The following CACNA1A variants were observed in gnomAD, a reference collection of about 807,000 sequenced individuals.
The protein encoded by CACNA1A is calcium voltage-gated channel subunit alpha1 A, also known as voltage-dependent P/Q-type calcium channel subunit alpha-1A.
Under a neutral mutation model 262.4 loss-of-function variants are expected in CACNA1A, and 57 were observed. The ratio of observed to expected loss-of-function variants is 0.22; its 90% CI spans 0.18 to 0.27. The LOEUF is 0.27. CACNA1A is among the 10% of genes least tolerant of loss of function. The pLI is 1.00. For missense variants in CACNA1A, 2,526 were observed against 3,562.8 expected, an observed-to-expected ratio of 0.71 and a Z score of 7.41; for synonymous variants, 1,431 against 1,419.3, an observed-to-expected ratio of 1.01 and a Z score of -0.18.
At chr19:13,444,234 A>T (rs2060771641) in intron 3 of CACNA1A, among the ~76,000 whole-genome samples, 1 of 152,186 alleles carries the variant, frequency 6.6e-6, no homozygotes, top group Non-Finnish European at 1.5e-5. Flanking sequence ...GGTACCAAGG[A>T]TGACTGATCC....
At chr19:13,464,721 A>T (rs1008880881) in intron 1 of CACNA1A, among the ~76,000 whole-genome samples, 56 of 146,586 alleles carry the variant, frequency 3.8e-4, no homozygotes, top group African/African-American at 8.4e-4. Context: ...GCTAATTTTT[A>T]GTATTTTTAG....
chr19:13,393,864 G>A (rs1053870386), intron 3 of CACNA1A, among the ~76,000 whole-genome samples: 8 of 137,398 alleles, frequency 5.8e-5, no homozygotes, highest in African/African-American at 2.1e-4. Context: ...TGCCCACGCT[G>A]GGGAGCGATA....
intron 30 of CACNA1A, among the ~76,000 whole-genome samples, chr19:13,247,182 G>T (rs146068177): frequency 6.6e-6 from 1 of 152,202 alleles, no homozygotes; most frequent in South Asian, 2.1e-4. Context: ...GGGTTGGGGC[G>T]GTCAGTGTGA....
At chr19:13,413,895 A>AAGAAAGAAAGAAAG (rs1183097814) in intron 3 of CACNA1A, among the ~76,000 whole-genome samples, 1 of 119,222 alleles carries the variant, frequency 8.4e-6, no homozygotes, top group African/African-American at 4.1e-5. Flanking sequence ...GAAAGAAAGA[A>AAGAAAGAAAGAAAG]AAAGAAAGAA....
intron 3 of CACNA1A, among the ~76,000 whole-genome samples, chr19:13,417,226 C>A (rs1003368496): frequency 2.6e-5 from 4 of 152,130 alleles, no homozygotes; most frequent in African/African-American, 9.7e-5. Context: ...CAGCTTGCAT[C>A]CGGAGGGCTG....
chr19:13,353,754 T>G lies in CACNA1A; in HGVS notation c.978+5852A>C, dbSNP rs1421955857. ...CTGGAAGGGAATCAAACACATCCTG[T>G]AGGTGAGCTGCCACTGTTCTCCATG... On this transcript the variant is annotated intron_variant, in intron 6 of 46. Transcript: ENST00000360228. 2.0e-5 allele frequency among the ~76,000 whole-genome samples: 3 copies of G among 152,234 alleles called. No homozygotes were observed. In the East Asian group the frequency reaches 5.8e-4, roughly 29 times the overall value.
rs576465227 is a variant in CACNA1A at position 13,455,586 on chromosome 19, A to C, written c.294-374T>G. Among the ~76,000 whole-genome samples the C allele has an allele frequency of 1.2e-4, 19 of 152,310 alleles. No individual in the cohort carries two copies. The South Asian group carries it at 3.9e-3, about 32-fold the overall frequency. ...AGAAGCAAATAAATGAGATGACTAC[A>C]TCATGTATACTATGCTATACAGTAC... On this transcript the variant is annotated intron_variant, in intron 1 of 46. Coordinates refer to ENST00000360228, the MANE Select transcript of CACNA1A (RefSeq NM_001127222.2).
chr19:13,291,793 C>G (rs1007951948), intron 19 of CACNA1A, among the ~76,000 whole-genome samples: 8 of 151,722 alleles, frequency 5.3e-5, no homozygotes, highest in African/African-American at 1.9e-4. Context: ...GGTAACAGAG[C>G]AAGACTGTTT....
chr19:13,245,333 G>A (rs2056198889), intron 30 of CACNA1A, 68 bp from the exon 31 acceptor site: 18 of 1,320,510 alleles, frequency 1.4e-5, no homozygotes, highest in Non-Finnish European at 1.8e-5. Context: ...TAGGCTGGCC[G>A]GGTGCATGTT....
In CACNA1A at chr19:13,228,591, TAG is replaced by T. The variant is rs34941295; in HGVS notation, c.5529-1066_5529-1065del. The stretch of plus-strand genomic sequence containing the variant: ...AGAAAGAGAGATGGCTCTGTTTTTT[TAG>T]AGAGAGAGAGAGATATATATATATA... On this transcript the variant is annotated intron_variant, in intron 36 of 46. Coordinates refer to ENST00000360228, the MANE Select transcript of CACNA1A (RefSeq NM_001127222.2). 0.27 allele frequency: 57,686 copies of T among 213,054 alleles called. 7,905 individuals are homozygous for T. The highest frequency in any genetic ancestry group is 0.6 in the East Asian group (4,925 of 8,198). The allele number at this position is 213,054 out of a possible 1,614,324, so 13.2% of individuals were successfully genotyped here.
At chr19:13,346,270 A>T (rs2058762630) in intron 6 of CACNA1A, among the ~76,000 whole-genome samples, 1 of 151,864 alleles carries the variant, frequency 6.6e-6, no homozygotes, top group Non-Finnish European at 1.5e-5. Flanking sequence ...TCCCCACTGG[A>T]CATCTGGGCA....
rs746111884 is a variant in CACNA1A, at chr19:13,212,117, G to A, written c.6289C>T (p.Pro2097Ser). The A allele has an allele frequency of 1.9e-6, 3 of 1,611,264 alleles. No individual in the cohort carries two copies. In the South Asian group the frequency reaches 3.3e-5, roughly 18 times the overall value. ...AAAGCCCTCACCTGGTTCTCTGCAG[G>A]GAGGCGGGGCATGGAGGCAGCCCGG... ...QGRAASMPRL[P>S]AENQRRRGRP... The change falls in exon 43 of 47, where the codon CCT becomes TCT. Residue 2097 changes from proline to serine, a missense_variant. Around this residue, in one of 17 missense-constraint regions of CACNA1A, gnomAD observed 929 missense variants for 868.1 expected, o/e 1.07. Transcript: ENST00000360228. The surrounding 1 kb of genome is among the most constrained non-coding windows in gnomAD (Gnocchi z 5.6).
At chr19:13,232,533 C>T (rs1382140347) in intron 34 of CACNA1A, among the ~76,000 whole-genome samples, 1 of 150,638 alleles carries the variant, frequency 6.6e-6, no homozygotes, top group Non-Finnish European at 1.5e-5. Flanking sequence ...AGATTGAGAC[C>T]ATCCTGGCTA....
chr19:13,448,715 C>T (rs1429446022), intron 3 of CACNA1A, among the ~76,000 whole-genome samples: 1 of 152,154 alleles, frequency 6.6e-6, no homozygotes, highest in Non-Finnish European at 1.5e-5. Flanking sequence ...TAGAGAAACT[C>T]ACTTGGGAGA....
In CACNA1A at chr19:13,214,723, T is replaced by A. The variant is rs929633319; in HGVS notation, c.5732-115A>T. On this transcript the variant is annotated intron_variant, in intron 38 of 46. Transcript: ENST00000360228. The surrounding 1 kb of genome is among the most constrained non-coding windows in gnomAD (Gnocchi z 4.1). Reference sequence around the variant, plus strand: ...GAGACCCCAATCTTTCTGGTCCCCATGGGGTCTCCAGTTCCCCAACGGCCT... The same window carrying A: ...GAGACCCCAATCTTTCTGGTCCCCAAGGGGTCTCCAGTTCCCCAACGGCCT... 2 of 786,512 alleles carry A rather than the reference T, an allele frequency of 2.5e-6. No individual in the cohort carries two copies. Among genetic ancestry groups the A allele is most frequent in the Admixed American group, 4.3e-5 (2 of 46,636 alleles). The allele number at this position is 786,512 out of a possible 1,614,324, so 48.7% of individuals were successfully genotyped here. A position where few individuals can be genotyped will look rare whatever the true frequency, so the allele number is the denominator to read the frequency against.
chr19:13,339,294 G>C (rs896920553), intron 6 of CACNA1A, among the ~76,000 whole-genome samples: 2 of 152,186 alleles, frequency 1.3e-5, no homozygotes, highest in Non-Finnish European at 2.9e-5. Context: ...AATCCTGTAT[G>C]ATTCCATTTA....
At chr19:13,331,133 G>T (rs951178388) in intron 9 of CACNA1A, among the ~76,000 whole-genome samples, 3 of 152,096 alleles carry the variant, frequency 2.0e-5, no homozygotes, top group Admixed American at 2.0e-4. Flanking sequence ...CCCCAACTAA[G>T]ATAATAAAAT....
intron 1 of CACNA1A, among the ~76,000 whole-genome samples, chr19:13,465,278 C>T (rs980054540): frequency 6.6e-6 from 1 of 152,136 alleles, no homozygotes; most frequent in Non-Finnish European, 1.5e-5. Flanking sequence ...TACCTACCGT[C>T]ATCATAGCTG....
At chr19:13,371,410 C>G in intron 4 of CACNA1A, 1 of 393,170 alleles carries the variant, frequency 2.5e-6, no homozygotes, top group South Asian at 4.8e-5. Context: ...CTTCATAGGG[C>G]TGTGAGTACT....
Sources: allele counts gnomAD v4.1 joint callset (sites outside exome capture counted in the v4.1 genomes callset), GRCh38; gene constraint gnomAD v4.1.1; regional missense constraint gnomAD v4.1.1; non-coding constraint Gnocchi (gnomAD v3.1); transcripts MANE v1.5; gene names NCBI Gene and HGNC (gene_info 2026-07-23, HGNC 2026-07-21).